The following MAP3K20 variants were observed in gnomAD, a reference collection of about 807,000 sequenced individuals.
MAP3K20 encodes HCCS-4.
MAP3K20 carries 40 observed loss-of-function variants against 85.7 expected under a neutral mutation model. The ratio of observed to expected loss-of-function variants is 0.47; its 90% CI spans 0.36 to 0.61. The LOEUF (loss-of-function observed/expected upper bound fraction) is 0.61, where lower values mean the gene tolerates loss of function less well. MAP3K20 is among the 20% of genes least tolerant of loss of function. The pLI is 0.00. For missense variants in MAP3K20, 817 were observed against 961.7 expected (o/e 0.85, Z 1.99); for synonymous variants, 325 against 327.7 (o/e 0.99, Z 0.09).
At position 173,225,872 on chromosome 2, in the gene MAP3K20, G is replaced by C. The variant is rs796720410; in HGVS notation, c.988-3817G>C. ...CTTGATGAAACAGCCAAATGCACCA[G>C]GGCAGGTCACTTTCCCATTACACTG... On this transcript the variant is annotated intron_variant, in intron 11 of 19. Transcript: ENST00000375213. 14 of 984,056 alleles carry C rather than the reference G, an allele frequency of 1.4e-5. No homozygotes were observed. The African/African-American group carries it at 2.5e-4, about 17-fold the overall frequency. 61.0% of individuals were successfully genotyped at this position (984,056 alleles called of 1,614,324 possible).
intron 2 of MAP3K20, among the ~76,000 whole-genome samples, chr2:173,138,785 G>C (rs1036859909): frequency 6.6e-6 from 1 of 152,166 alleles, no homozygotes; most frequent in Non-Finnish European, 1.5e-5. Flanking sequence ...CTGAATGATA[G>C]CCACTTATTT....
intron 1 of MAP3K20, among the ~76,000 whole-genome samples, chr2:173,086,691 G>C (rs991187995): frequency 6.6e-6 from 1 of 152,210 alleles, no homozygotes; most frequent in Non-Finnish European, 1.5e-5. Flanking sequence ...GCTTCTCAAA[G>C]GTCAGCCTTT....
intron 2 of MAP3K20, among the ~76,000 whole-genome samples, chr2:173,117,537 C>T (rs1348065287): frequency 6.6e-6 from 1 of 152,200 alleles, no homozygotes; most frequent in Non-Finnish European, 1.5e-5. Context: ...GCCTTGACCT[C>T]CCAAATTGTT....
intron 10 of MAP3K20, 200 bp downstream of exon 10, chr2:173,210,035 T>C (rs1306207302): frequency 1.8e-6 from 1 of 570,544 alleles, no homozygotes; most frequent in Non-Finnish European, 3.1e-6. Context: ...TCTCCAAGCT[T>C]GTTGCCTTGT....
chr2:173,187,178 C>T (rs1288055706), intron 4 of MAP3K20, among the ~76,000 whole-genome samples: 1 of 152,134 alleles, frequency 6.6e-6, no homozygotes, highest in African/African-American at 2.4e-5. Flanking sequence ...CAGATGAAAA[C>T]CACAAATTTT....
At chr2:173,168,374 C>T (rs533063706) in intron 2 of MAP3K20, among the ~76,000 whole-genome samples, 4 of 152,228 alleles carry the variant, frequency 2.6e-5, no homozygotes, top group South Asian at 2.1e-4. Context: ...GCTTGATAAG[C>T]GTCTCATGCA....
intron 2 of MAP3K20, among the ~76,000 whole-genome samples, chr2:173,114,069 C>G (rs1198278070): frequency 6.6e-6 from 1 of 151,840 alleles, no homozygotes; most frequent in Non-Finnish European, 1.5e-5. Flanking sequence ...TTTGGGTGCT[C>G]CAGTGTTAGG....
intron 3 of MAP3K20, among the ~76,000 whole-genome samples, chr2:173,170,624 C>G (rs1307847660): frequency 5.3e-5 from 8 of 151,870 alleles, no homozygotes; most frequent in African/African-American, 1.9e-4. Context: ...AAGTATTAGC[C>G]ACATGTTCTC....
intron 7 of MAP3K20, among the ~76,000 whole-genome samples, chr2:173,197,458 C>T (rs554199152): frequency 1.8e-4 from 27 of 152,134 alleles, no homozygotes; most frequent in African/African-American, 6.3e-4. Context: ...TCCCTTAGAC[C>T]GACTCATTTT....
intron 2 of MAP3K20, among the ~76,000 whole-genome samples, chr2:173,100,625 C>T (rs562260257): frequency 1.0e-3 from 152 of 152,278 alleles, no homozygotes; most frequent in African/African-American, 3.5e-3. Context: ...TACAGTAACA[C>T]ACTTGCATTC....
At chr2:173,222,185 A>G (rs1684270938) in intron 11 of MAP3K20, 11 of 974,762 alleles carry the variant, frequency 1.1e-5, no homozygotes, top group Non-Finnish European at 1.3e-5. Flanking sequence ...TAGCCTGGGC[A>G]AGAGAACAAG....
chr2:173,167,520 T>TAC (rs1274116487), intron 2 of MAP3K20, among the ~76,000 whole-genome samples: 3 of 152,188 alleles, frequency 2.0e-5, no homozygotes, highest in African/African-American at 7.2e-5. Context: ...ATCAGATTCT[T>TAC]AGTTTATTAT....
intron 3 of MAP3K20, among the ~76,000 whole-genome samples, chr2:173,177,516 C>T (rs1255496417): frequency 7.7e-5 from 11 of 143,324 alleles, no homozygotes; most frequent in African/African-American, 2.3e-4. Flanking sequence ...GCCATCATCT[C>T]GGCTCACTGC....
At position 173,258,744 on chromosome 2, in the gene MAP3K20, G is replaced by T; in HGVS notation, c.1405G>T (p.Ala469Ser). 3.1e-6 allele frequency: 5 copies of T among 1,612,658 alleles called. No individual in the cohort carries two copies. Among genetic ancestry groups the T allele is most frequent in the Non-Finnish European group, 4.2e-6 (5 of 1,179,018 alleles). ...MYMEMDGDEI[A>S]ITYIKDVTFN... ...TATGGAGATGGATGGGGATGAAATTGCAATAACCTACATAAAAGATGTGAC... is the reference window on the plus strand; with the variant it reads ...TATGGAGATGGATGGGGATGAAATTTCAATAACCTACATAAAAGATGTGAC... Residue 469 changes from alanine (A) to serine (S), a missense_variant, in exon 17 of 20, where the codon GCA becomes TCA. Transcript: ENST00000375213.
At chr2:173,084,641 A>G (rs1687098684) in intron 1 of MAP3K20, among the ~76,000 whole-genome samples, 1 of 152,170 alleles carries the variant, frequency 6.6e-6, no homozygotes, top group Non-Finnish European at 1.5e-5. Flanking sequence ...TAATTGCTCT[A>G]CAAAACTAAG....
At chr2:173,108,838 G>C (rs780821941) in intron 2 of MAP3K20, among the ~76,000 whole-genome samples, 1 of 152,254 alleles carries the variant, frequency 6.6e-6, no homozygotes, top group Non-Finnish European at 1.5e-5. Flanking sequence ...ATCAGCAACA[G>C]TGAGCACATT....
intron 2 of MAP3K20, among the ~76,000 whole-genome samples, chr2:173,130,814 T>C (rs999828495): frequency 1.3e-5 from 2 of 152,212 alleles, no homozygotes; most frequent in African/African-American, 4.8e-5. Context: ...GTGGGAATTC[T>C]TGCTGATGAT....
chr2:173,266,366 C>G lies in MAP3K20; in HGVS notation c.2019C>G (p.Tyr673Ter). The G allele has an allele frequency of 6.2e-7, 1 of 1,614,124 alleles. No individual in the cohort carries two copies. Among genetic ancestry groups the G allele is most frequent in the Non-Finnish European group, 8.5e-7 (1 of 1,180,012 alleles). Reference protein sequence around the residue: ...NTDTSSERGRYSDRSRNKYGR... With the variant: ...NTDTSSERGR ...ACACCTCTTCAGAGAGGGGTCGATA[C>G]TCAGACAGAAGCAGGAACAAATATG... The change falls in exon 20 of 20, where the codon TAC becomes TAG. Residue 673 changes from tyrosine (Y) to a stop codon, truncating the protein, a stop_gained. Transcript: ENST00000375213. LOFTEE classifies it low-confidence loss of function (END_TRUNC).
chr2:173,087,459 G>A (rs1376914086), intron 1 of MAP3K20, among the ~76,000 whole-genome samples: 2 of 152,200 alleles, frequency 1.3e-5, no homozygotes, highest in Non-Finnish European at 2.9e-5. Flanking sequence ...GCTATAAGTG[G>A]TAAATGAATA....
Sources: gnomAD v4.1 joint callset for allele counts (sites outside exome capture counted in the v4.1 genomes callset) on GRCh38, gnomAD v4.1.1 for gene constraint, MANE v1.5 for transcripts, NCBI Gene and HGNC (gene_info 2026-07-23, HGNC 2026-07-21) for gene names.